RNF182: variants seen among roughly 807,000 people sequenced by gnomAD.
The protein encoded by RNF182 is ring finger protein 182.
A neutral mutation model predicts 14.4 loss-of-function variants in RNF182; 15 were observed. That is an observed-to-expected ratio of 1.04 (90% CI 0.70 to 1.60). RNF182 has a LOEUF of 1.60. Ranked by LOEUF, RNF182 falls within the 40% of genes most tolerant of loss-of-function variation. The probability of loss-of-function intolerance (pLI) is 0.00; values close to 1 mark genes in which losing one functional copy is unlikely to be tolerated. For missense variants in RNF182, 268 were observed against 294.8 expected (o/e 0.91, Z 0.67); for synonymous variants, 128 against 122.9 (o/e 1.04, Z -0.27).
At chr6:13,956,312 CTT>C (rs200201661) in intron 1 of RNF182, among the ~76,000 whole-genome samples, 1 of 140,054 alleles carries the variant, frequency 7.1e-6, no homozygotes, top group South Asian at 2.3e-4. Context: ...CTGTTCTTTG[CTT>C]TTTTTTTTTT....
chr6:13,937,048 G>T (rs560142175), intron 1 of RNF182, among the ~76,000 whole-genome samples: 1 of 152,272 alleles, frequency 6.6e-6, no homozygotes, highest in South Asian at 2.1e-4. Context: ...GATCAGATTT[G>T]AGTTTTAGAA....
chr6:13,930,048 G>C (rs1375058172), intron 1 of RNF182, among the ~76,000 whole-genome samples: 2 of 152,198 alleles, frequency 1.3e-5, no homozygotes, highest in East Asian at 3.9e-4. Context: ...AAAGAATATA[G>C]TCAGCCTTGC....
intron 1 of RNF182, chr6:13,949,300 A>G: frequency 1.3e-6 from 1 of 777,546 alleles, no homozygotes; most frequent in Non-Finnish European, 2.4e-6. Flanking sequence ...GAAACCTGAC[A>G]TGTGGGCATC....
chr6:13,926,130 C>T (rs1005579385), intron 1 of RNF182, among the ~76,000 whole-genome samples: 2 of 152,006 alleles, frequency 1.3e-5, no homozygotes, highest in African/African-American at 4.8e-5. Flanking sequence ...ATATTGATAA[C>T]TGGAAAATAA....
intron 1 of RNF182, among the ~76,000 whole-genome samples, chr6:13,969,105 T>TTG (rs1760111719): frequency 9.3e-5 from 14 of 151,170 alleles, no homozygotes; most frequent in Middle Eastern, 3.4e-3. Context: ...GTCTCTGTTT[T>TTG]TTGTTGTTGT....
intron 1 of RNF182, among the ~76,000 whole-genome samples, chr6:13,930,469 C>T (rs940650296): frequency 1.3e-5 from 2 of 152,204 alleles, no homozygotes; most frequent in African/African-American, 4.8e-5. Flanking sequence ...GGCTCACCTG[C>T]TCTTTCCTAG....
At chr6:13,970,146 A>G (rs990799539) in intron 1 of RNF182, among the ~76,000 whole-genome samples, 26 of 152,184 alleles carry the variant, frequency 1.7e-4, no homozygotes, top group African/African-American at 6.0e-4. Context: ...TTATTTTTAT[A>G]TGTTGGTATT....
intron 1 of RNF182, among the ~76,000 whole-genome samples, chr6:13,927,666 A>C (rs938879053): frequency 1.3e-5 from 2 of 152,254 alleles, no homozygotes; most frequent in Admixed American, 1.3e-4. Flanking sequence ...GTTTGTAACC[A>C]TATAAGCCTG....
chr6:13,939,247 C>G (rs1759222340), intron 1 of RNF182, among the ~76,000 whole-genome samples: 1 of 152,128 alleles, frequency 6.6e-6, no homozygotes. Flanking sequence ...CACAAACAAC[C>G]TGATAGATTT....
intron 1 of RNF182, among the ~76,000 whole-genome samples, chr6:13,946,848 G>A (rs915310091): frequency 6.6e-6 from 1 of 152,132 alleles, no homozygotes; most frequent in Non-Finnish European, 1.5e-5. Context: ...AATTTTTAGG[G>A]TCTCTTGTAT....
intron 1 of RNF182, among the ~76,000 whole-genome samples, chr6:13,938,316 C>G (rs1331238696): frequency 6.6e-6 from 1 of 151,220 alleles, no homozygotes; most frequent in Non-Finnish European, 1.5e-5. Context: ...TGCGCCTGGC[C>G]TTTTTCTTAT....
chr6:13,940,374 G>A (rs1315604718), intron 1 of RNF182, among the ~76,000 whole-genome samples: 3 of 152,114 alleles, frequency 2.0e-5, no homozygotes, highest in Admixed American at 6.5e-5. Context: ...TTATTTTAGT[G>A]TTTTGTTGGA....
intron 1 of RNF182, among the ~76,000 whole-genome samples, chr6:13,931,345 A>G (rs143446168): frequency 1.3e-5 from 2 of 152,346 alleles, no homozygotes; most frequent in African/African-American, 2.4e-5. Context: ...AATAAATGTC[A>G]TATCCCCCAG....
chr6:13,938,004 G>GTTTTTTTTTTTTTTTTTTT (rs70989897), intron 1 of RNF182, among the ~76,000 whole-genome samples: 5 of 79,598 alleles, frequency 6.3e-5, no homozygotes, highest in East Asian at 4.1e-4. Context: ...TTTTCTTACT[G>GTTTTTTTTTTTTTTTTTTT]TTTTTTTTTT....
chr6:13,938,791 C>T (rs1759208209), intron 1 of RNF182, among the ~76,000 whole-genome samples: 1 of 152,090 alleles, frequency 6.6e-6, no homozygotes, highest in African/African-American at 2.4e-5. Flanking sequence ...TGTATTTTGT[C>T]CTTATGATGT....
chr6:13,959,795 TAGACCTGTTA>T (rs1441718481), intron 1 of RNF182, among the ~76,000 whole-genome samples: 3 of 152,160 alleles, frequency 2.0e-5, no homozygotes, highest in African/African-American at 7.2e-5. Context: ...AAATTTGTCT[TAGACCTGTTA>T]AATTTGAAGT....
At chr6:13,945,988 G>GAAACAC (rs1759429125) in intron 1 of RNF182, among the ~76,000 whole-genome samples, 1 of 152,022 alleles carries the variant, frequency 6.6e-6, no homozygotes, top group African/African-American at 2.4e-5. Context: ...AGCAAGAGGA[G>GAAACAC]AAACACGTCT....
chr6:13,944,885 T>G (rs1005897908), intron 1 of RNF182, among the ~76,000 whole-genome samples: 1 of 152,240 alleles, frequency 6.6e-6, no homozygotes, highest in African/African-American at 2.4e-5. Context: ...TTAATATTGT[T>G]ATATAGCAAT....
At chr6:13,957,869 A>G (rs1229214995) in intron 1 of RNF182, among the ~76,000 whole-genome samples, 5 of 152,346 alleles carry the variant, frequency 3.3e-5, no homozygotes, top group Middle Eastern at 3.4e-3. Flanking sequence ...CAGAGAAACA[A>G]TCCTATGAGA....
Sources: allele counts gnomAD v4.1 joint callset (sites outside exome capture counted in the v4.1 genomes callset), GRCh38; gene constraint gnomAD v4.1.1; transcripts MANE v1.5; gene names NCBI Gene and HGNC (gene_info 2026-07-23, HGNC 2026-07-21).